Variants in PLA2G5 observed in about 807,000 individuals in gnomAD.
PLA2G5 encodes Ca2+-dependent phospholipase A2.
Under a neutral mutation model 15.9 loss-of-function variants are expected in PLA2G5, and 12 were observed. The ratio of observed to expected loss-of-function variants is 0.76; its 90% CI spans 0.48 to 1.23. PLA2G5 has a LOEUF of 1.23. Ranked by LOEUF, PLA2G5 falls within the 50% of genes most tolerant of loss-of-function variation. The pLI is 0.00. For synonymous variants in PLA2G5, 71 were observed against 71.4 expected (o/e 0.99, Z 0.03); for missense variants, 169 against 177.1 (o/e 0.95, Z 0.26).
chr1:20,047,195 GC>G (rs1458772065), intron 1 of PLA2G5, among the ~76,000 whole-genome samples: 1 of 152,150 alleles, frequency 6.6e-6, no homozygotes, highest in Non-Finnish European at 1.5e-5. Flanking sequence ...AGCGTTTTGA[GC>G]CCTCTCTGAA....
intron 1 of PLA2G5, among the ~76,000 whole-genome samples, chr1:20,076,236 T>G (rs2015669678): frequency 6.6e-6 from 1 of 152,090 alleles, no homozygotes; most frequent in African/African-American, 2.4e-5. Context: ...TCCATTTTGT[T>G]TTTTTTAAAG....
At chr1:20,039,329 C>T (rs755123736) in intron 1 of PLA2G5, among the ~76,000 whole-genome samples, 4 of 152,192 alleles carry the variant, frequency 2.6e-5, no homozygotes, top group Admixed American at 1.3e-4. Context: ...AGCCTCTGAG[C>T]AGTGGAAGGT....
chr1:20,080,949 G>A (rs1376689127), intron 1 of PLA2G5, among the ~76,000 whole-genome samples: 1 of 151,898 alleles, frequency 6.6e-6, no homozygotes, highest in Non-Finnish European at 1.5e-5. Context: ...CTCTCTCACA[G>A]ACAGCAGGAG....
chr1:20,034,071 C>A (rs1191392135), intron 1 of PLA2G5, among the ~76,000 whole-genome samples: 1 of 152,016 alleles, frequency 6.6e-6, no homozygotes, highest in Admixed American at 6.6e-5. Context: ...GCTACCTGAG[C>A]CTTTGTGGGT....
Position 20,090,196 on chromosome 1 carries a change from G to A in PLA2G5, c.292+301G>A, listed in dbSNP as rs186148075. On this transcript the variant is annotated intron_variant, in intron 4 of 4. Transcript: ENST00000375108. ...AATGGAAGCTAGAAAGCCTGCCAGT[G>A]CACACAGCAGGATTCAAGCTCAGGG... is the stretch of plus-strand genomic sequence containing the variant. Among the ~76,000 whole-genome samples, 7 of 152,312 alleles carry A rather than the reference G, an allele frequency of 4.6e-5. No homozygotes were observed. In the East Asian group the frequency reaches 1.4e-3, roughly 29 times the overall value.
chr1:20,042,990 GGAAA>G (rs2013698136), intron 1 of PLA2G5, among the ~76,000 whole-genome samples: 1 of 152,122 alleles, frequency 6.6e-6, no homozygotes. Context: ...GCAGACGGAC[GGAAA>G]GAAAGTAAAT....
chr1:20,056,657 TATG>T (rs1431533764), intron 1 of PLA2G5, among the ~76,000 whole-genome samples: 1 of 152,168 alleles, frequency 6.6e-6, no homozygotes, highest in African/African-American at 2.4e-5. Context: ...GTTTTTAAGA[TATG>T]GTGGTGTGTA....
At chr1:20,077,001 C>T (rs1367730727) in intron 1 of PLA2G5, 1 of 152,238 alleles carries the variant, frequency 6.6e-6, no homozygotes, top group Admixed American at 6.5e-5. Context: ...CATGGCTACC[C>T]TTGGCAGGGC....
chr1:20,057,045 A>G (rs2076258489), intron 1 of PLA2G5, among the ~76,000 whole-genome samples: 1 of 152,106 alleles, frequency 6.6e-6, no homozygotes, highest in South Asian at 2.1e-4. Flanking sequence ...ATGTCCATGG[A>G]ATCAGTGGTG....
intron 1 of PLA2G5, among the ~76,000 whole-genome samples, chr1:20,035,021 G>A (rs1225543348): frequency 6.6e-6 from 1 of 152,150 alleles, no homozygotes; most frequent in South Asian, 2.1e-4. Flanking sequence ...TCTGGTTCTA[G>A]TTTTTTCTGC....
chr1:20,032,002 G>A (rs2012979771), intron 1 of PLA2G5, among the ~76,000 whole-genome samples: 1 of 152,130 alleles, frequency 6.6e-6, no homozygotes, highest in Non-Finnish European at 1.5e-5. Context: ...AGATTCTGGA[G>A]GATAAAGGGG....
At chr1:20,049,105 G>A (rs1417987958) in intron 1 of PLA2G5, among the ~76,000 whole-genome samples, 2 of 152,046 alleles carry the variant, frequency 1.3e-5, no homozygotes, top group Non-Finnish European at 2.9e-5. Flanking sequence ...GTTTTTTCTG[G>A]TAAGAAAGCT....
chr1:20,030,662 C>T (rs1339270312), intron 1 of PLA2G5, among the ~76,000 whole-genome samples: 1 of 152,168 alleles, frequency 6.6e-6, no homozygotes, highest in African/African-American at 2.4e-5. Context: ...CAGGCTGTCT[C>T]AGTGGGGAGA....
chr1:20,042,280 A>G (rs2013642591), intron 1 of PLA2G5, among the ~76,000 whole-genome samples: 1 of 152,162 alleles, frequency 6.6e-6, no homozygotes, highest in African/African-American at 2.4e-5. Context: ...TGGAACTGCC[A>G]TTAGTAAACC....
chr1:20,056,816 G>A (rs2014454626), intron 1 of PLA2G5, among the ~76,000 whole-genome samples: 1 of 152,032 alleles, frequency 6.6e-6, no homozygotes, highest in Non-Finnish European at 1.5e-5. Flanking sequence ...AAATATTGGT[G>A]GAATTTACCA....
intron 1 of PLA2G5, among the ~76,000 whole-genome samples, chr1:20,081,207 G>A (rs778174848): frequency 1.1e-4 from 16 of 151,662 alleles, no homozygotes; most frequent in East Asian, 1.9e-4. Flanking sequence ...CTCTGTGGTC[G>A]TTTGATTAAA....
chr1:20,057,176 C>T (rs1320593976), intron 1 of PLA2G5, among the ~76,000 whole-genome samples: 4 of 151,920 alleles, frequency 2.6e-5, no homozygotes, highest in African/African-American at 4.8e-5. Context: ...GGTGTCATTG[C>T]TTTTCTCTAT....
rs148684128 is a variant in PLA2G5 at position 20,042,115 on chromosome 1, G to A, written n.276+13406G>A. On this transcript the variant is annotated intron_variant and non_coding_transcript_variant, in intron 1 of 6. Transcript: ENST00000460175. ...ATTTAGAGTCAGTATGAATATTGAC[G>A]TGTAGTCCTTTTGCAAGAGTGAGGG... 9.6e-4 allele frequency among the ~76,000 whole-genome samples: 146 copies of A among 152,284 alleles called. 2 individuals carry two copies. The East Asian group carries it at 0.025, about 26-fold the overall frequency.
chr1:20,058,943 A>G (rs980129231), intron 1 of PLA2G5, among the ~76,000 whole-genome samples: 1 of 147,958 alleles, frequency 6.8e-6, no homozygotes, highest in Non-Finnish European at 1.5e-5. Flanking sequence ...GGAGGCCGAG[A>G]TGGGAGGATC....
Sources: allele counts gnomAD v4.1 joint callset (sites outside exome capture counted in the v4.1 genomes callset), GRCh38; gene constraint gnomAD v4.1.1; transcripts MANE v1.5; gene names NCBI Gene and HGNC (gene_info 2026-07-23, HGNC 2026-07-21).